The following SMYD2 variants were observed in gnomAD, a reference collection of about 807,000 sequenced individuals.
The protein encoded by SMYD2 is N-lysine methyltransferase SMYD2.
Under a neutral mutation model 59.1 loss-of-function variants are expected in SMYD2, and 53 were observed. The observed-to-expected ratio is 0.90, with a 90% CI of 0.72 to 1.13. SMYD2 has a LOEUF of 1.13. Ranked by LOEUF, SMYD2 falls within the 50% of genes most tolerant of loss-of-function variation. SMYD2 has a pLI of 0.00. For synonymous variants in SMYD2, 208 were observed against 198.8 expected (o/e 1.05, Z -0.39); for missense variants, 494 against 544.7 (o/e 0.91, Z 0.93).
chr1:214,310,392 G>C (rs572426687), intron 2 of SMYD2, among the ~76,000 whole-genome samples: 84 of 152,258 alleles, frequency 5.5e-4, no homozygotes, highest in African/African-American at 1.9e-3. Flanking sequence ...GGGAAAATCA[G>C]AAAGTGCAGA....
chr1:214,285,424 GAA>G (rs1270553055), intron 1 of SMYD2, among the ~76,000 whole-genome samples: 1 of 152,212 alleles, frequency 6.6e-6, no homozygotes, highest in African/African-American at 2.4e-5. Context: ...GCTCTCCTGA[GAA>G]TGCTTTGAGA....
At position 214,314,844 on chromosome 1, in the gene SMYD2, G is replaced by A; in HGVS notation, c.320G>A (p.Arg107Lys). The A allele has an allele frequency of 6.2e-7, 1 of 1,614,064 alleles. No individual in the cohort carries two copies. The highest frequency in any genetic ancestry group is 1.3e-5 in the African/African-American group (1 of 75,040). Residue 107 changes from arginine (R) to lysine (K), a missense_variant, in exon 3 of 12, where the codon AGA (arginine) becomes AAA (lysine). Physicochemically the swap from Arg to Lys is conservative, Grantham distance 26. Coordinates refer to ENST00000366957, the MANE Select transcript of SMYD2 (RefSeq NM_020197.3). ...GENWNPSETV[R>K]LTARILAKQK... Reference sequence around the variant, plus strand: ...AACTGGAATCCCTCGGAGACTGTAAGACTAACAGCAAGGATTCTGGCCAAA... The same window carrying A: ...AACTGGAATCCCTCGGAGACTGTAAAACTAACAGCAAGGATTCTGGCCAAA...
At chr1:214,305,037 T>C in intron 1 of SMYD2, 150 bp from the exon 2 acceptor site, 1 of 748,660 alleles carries the variant, frequency 1.3e-6, no homozygotes. Context: ...GTCAAACTCT[T>C]AAGGAACATG....
At chr1:214,331,216 C>CT in intron 9 of SMYD2, 146 bp downstream of exon 9, 1 of 1,142,888 alleles carries the variant, frequency 8.7e-7, no homozygotes. Context: ...TAAAGGCGTA[C>CT]TGACCACCCA....
chr1:214,281,589 G>T (rs1014207891), intron 1 of SMYD2, among the ~76,000 whole-genome samples, 162 bp downstream of exon 1: 176 of 152,062 alleles, frequency 1.2e-3, no homozygotes, highest in African/African-American at 4.1e-3. Context: ...CTGCGGCCCC[G>T]CGCTGCAGCC....
intron 10 of SMYD2, 152 bp from the exon 11 acceptor site, chr1:214,334,048 G>A (rs111248511): frequency 2.7e-5 from 16 of 588,274 alleles, no homozygotes; most frequent in Non-Finnish European, 3.7e-5. Flanking sequence ...CAGCATCCAC[G>A]CTCTCCACCC....
intron 1 of SMYD2, among the ~76,000 whole-genome samples, chr1:214,296,900 G>C (rs1656738307): frequency 6.6e-6 from 1 of 152,168 alleles, no homozygotes; most frequent in East Asian, 1.9e-4. Context: ...CCTGCTTCTA[G>C]GATACTTGAT....
chr1:214,329,247 C>T (rs1657311747), intron 7 of SMYD2, among the ~76,000 whole-genome samples: 2 of 152,134 alleles, frequency 1.3e-5, no homozygotes, highest in African/African-American at 4.8e-5. Flanking sequence ...GCAACGTGTC[C>T]AGTACCTCCC....
In SMYD2 at chr1:214,312,293, G is replaced by T. The variant is rs531125697; in HGVS notation, c.238-2469G>T. Among the ~76,000 whole-genome samples the T allele has an allele frequency of 1.4e-4, 22 of 152,268 alleles. No individual in the cohort carries two copies. The South Asian group carries it at 2.1e-3, about 14-fold the overall frequency. On this transcript the variant is annotated intron_variant, in intron 2 of 11. Transcript: ENST00000366957. This position sits in a 1 kb window ranked among gnomAD's most constrained non-coding sequence, Gnocchi z 4.1. ...GGATCAGTGTGGAGGGAAGCGGGTA[G>T]GGAGATATCTTCATTCCTTCAACAA...
chr1:214,306,215 C>T lies in SMYD2; in HGVS notation c.237+965C>T, dbSNP rs192826913. ...GTTCCATACCTGGTGTTGTCCTTCC[C>T]CCATCCCCACCCTCCAGCCCCATCC... On this transcript the variant is annotated intron_variant, in intron 2 of 11. Transcript: ENST00000366957. Among the ~76,000 whole-genome samples, 32 of 152,226 alleles carry T rather than the reference C, an allele frequency of 2.1e-4. No homozygotes were observed. The East Asian group carries it at 6.0e-3, about 28-fold the overall frequency.
intron 2 of SMYD2, among the ~76,000 whole-genome samples, chr1:214,314,139 T>C (rs1350519268): frequency 6.6e-6 from 1 of 151,666 alleles, no homozygotes; most frequent in African/African-American, 2.4e-5. Context: ...ATCGCGCCAC[T>C]GCACTGCAGC....
At chr1:214,297,079 A>G (rs1256117928) in intron 1 of SMYD2, among the ~76,000 whole-genome samples, 1 of 152,190 alleles carries the variant, frequency 6.6e-6, no homozygotes, top group Non-Finnish European at 1.5e-5. Context: ...TTTCCACACG[A>G]AAAAGCCACT....
chr1:214,330,284 G>A lies in SMYD2; in HGVS notation c.816+6G>A, dbSNP rs1474164296. On this transcript the variant is annotated splice_donor_region_variant and intron_variant, in intron 8 of 11. Coordinates refer to ENST00000366957, the MANE Select transcript of SMYD2 (RefSeq NM_020197.3). Reference sequence around the variant, plus strand: ...AGTGTACCACCAAGGACAAGGTAAGGTTGTTCATTGGGCAAGAGCGCTGAC... The same window carrying A: ...AGTGTACCACCAAGGACAAGGTAAGATTGTTCATTGGGCAAGAGCGCTGAC... 2.5e-6 allele frequency: 4 copies of A among 1,593,444 alleles called. No homozygotes were observed. The highest frequency in any genetic ancestry group is 3.4e-6 in the Non-Finnish European group (4 of 1,163,770).
chr1:214,335,181 C>T (rs1657416312), intron 11 of SMYD2, among the ~76,000 whole-genome samples: 1 of 152,218 alleles, frequency 6.6e-6, no homozygotes, highest in Non-Finnish European at 1.5e-5. Context: ...AATCTTTCAC[C>T]TTCTCCAAAG....
chr1:214,286,804 T>TCAGTA, intron 1 of SMYD2, among the ~76,000 whole-genome samples: 1 of 144,098 alleles, frequency 6.9e-6, no homozygotes, highest in South Asian at 2.2e-4. Flanking sequence ...CCAAGCTAAG[T>TCAGTA]CAGTACAACC....
At chr1:214,294,872 G>C (rs1419451018) in intron 1 of SMYD2, among the ~76,000 whole-genome samples, 1 of 152,126 alleles carries the variant, frequency 6.6e-6, no homozygotes, top group African/African-American at 2.4e-5. Context: ...AATACTGTTA[G>C]GAGTATTTTA....
chr1:214,299,482 TAC>T (rs1553254481), intron 1 of SMYD2, among the ~76,000 whole-genome samples: 722 of 45,912 alleles, frequency 0.016, 21 homozygotes, highest in Middle Eastern at 0.026. Context: ...TATATATATA[TAC>T]ACCATAGAAT....
chr1:214,281,721 C>A (rs1656453236), intron 1 of SMYD2, among the ~76,000 whole-genome samples: 1 of 152,246 alleles, frequency 6.6e-6, no homozygotes, highest in Admixed American at 6.5e-5. Flanking sequence ...TTCCTGCCCT[C>A]AAATGTGGGC....
intron 5 of SMYD2, among the ~76,000 whole-genome samples, chr1:214,322,981 A>G (rs938750110): frequency 3.3e-5 from 5 of 152,124 alleles, no homozygotes; most frequent in Admixed American, 1.3e-4. Context: ...CCAAGTGCAG[A>G]AGAGAGTGGG....
Sources: allele counts gnomAD v4.1 joint callset (sites outside exome capture counted in the v4.1 genomes callset), GRCh38; gene constraint gnomAD v4.1.1; non-coding constraint Gnocchi (gnomAD v3.1); transcripts MANE v1.5; gene names NCBI Gene and HGNC (gene_info 2026-07-23, HGNC 2026-07-21).